ST6GALNAC3: variants seen among roughly 807,000 people sequenced by gnomAD.
ST6GALNAC3 encodes ST6 N-acetylgalactosaminide alpha-2,6-sialyltransferase 3, also known as alpha-N-acetylgalactosaminide alpha-2,6-sialyltransferase 3.
A neutral mutation model predicts 32.7 loss-of-function variants in ST6GALNAC3; 25 were observed. The ratio of observed to expected loss-of-function variants is 0.76; its 90% CI spans 0.56 to 1.07. The LOEUF is 1.07. ST6GALNAC3 is among the 50% of genes least tolerant of loss of function. The probability of loss-of-function intolerance (pLI) is 0.00; values close to 1 mark genes in which losing one functional copy is unlikely to be tolerated. For missense variants in ST6GALNAC3, 355 were observed against 382.4 expected (o/e 0.93, Z 0.60); for synonymous variants, 129 against 133.1 (o/e 0.97, Z 0.21).
rs547206078 is a variant in ST6GALNAC3 at position 76,091,318 on chromosome 1, G to A, written c.18+16434G>A. 6.8e-4 allele frequency among the ~76,000 whole-genome samples: 103 copies of A among 152,348 alleles called. 1 individual carries two copies. Among genetic ancestry groups the A allele is most frequent in the Non-Finnish European group, 1.3e-3 (89 of 68,038 alleles). Reference sequence around the variant, plus strand: ...AGTCAGAGCAGTCCTAAATTTAAATGTAACCTTTTGAGCCCTTAGATCATT... The same window carrying A: ...AGTCAGAGCAGTCCTAAATTTAAATATAACCTTTTGAGCCCTTAGATCATT... On this transcript the variant is annotated intron_variant, in intron 1 of 4. Coordinates refer to ENST00000328299, the MANE Select transcript of ST6GALNAC3 (RefSeq NM_152996.4).
At chr1:76,149,193 G>T (rs1218589340) in intron 1 of ST6GALNAC3, among the ~76,000 whole-genome samples, 2 of 152,122 alleles carry the variant, frequency 1.3e-5, no homozygotes, top group Non-Finnish European at 2.9e-5. Flanking sequence ...ATCTTTTTGT[G>T]CCTGCTGCAT....
chr1:76,231,993 C>T (rs901211306), intron 1 of ST6GALNAC3, among the ~76,000 whole-genome samples: 9 of 152,292 alleles, frequency 5.9e-5, no homozygotes, highest in Non-Finnish European at 1.2e-4. Context: ...AACAAGGCTT[C>T]GAGGTAGTTT....
chr1:76,474,810 A>G (rs770299117), intron 3 of ST6GALNAC3, among the ~76,000 whole-genome samples: 7 of 152,156 alleles, frequency 4.6e-5, no homozygotes, highest in Non-Finnish European at 1.0e-4. Context: ...GTGAAGAGAA[A>G]AAGCCAACTC....
intron 3 of ST6GALNAC3, among the ~76,000 whole-genome samples, chr1:76,467,340 C>T (rs1047384073): frequency 6.6e-6 from 1 of 151,846 alleles, no homozygotes; most frequent in African/African-American, 2.4e-5. Flanking sequence ...GGGGCTCTAT[C>T]CCAAAGAGCC....
intron 3 of ST6GALNAC3, among the ~76,000 whole-genome samples, chr1:76,560,170 T>C (rs1665163720): frequency 1.3e-5 from 2 of 152,116 alleles, no homozygotes; most frequent in South Asian, 4.1e-4. Flanking sequence ...TCTCTCACCA[T>C]ATACAAAAAT....
chr1:76,357,410 T>C (rs1649569462), intron 2 of ST6GALNAC3, among the ~76,000 whole-genome samples: 1 of 151,988 alleles, frequency 6.6e-6, no homozygotes, highest in Non-Finnish European at 1.5e-5. Flanking sequence ...ACCATGCTGG[T>C]TTTCCAACCT....
At chr1:76,481,731 ATTTTAAAGTGTATTG>A (rs1016187663) in intron 3 of ST6GALNAC3, among the ~76,000 whole-genome samples, 1 of 152,190 alleles carries the variant, frequency 6.6e-6, no homozygotes, top group Non-Finnish European at 1.5e-5. Context: ...ATTGGGTAGC[ATTTTAAAGTGTATTG>A]TGTATGTGAC....
At chr1:76,627,361 A>C in intron 3 of ST6GALNAC3, 91 bp from the exon 4 acceptor site, 2 of 814,886 alleles carry the variant, frequency 2.5e-6, no homozygotes, top group South Asian at 3.1e-5. Flanking sequence ...GTTTTTGATG[A>C]AATGTTGCTC....
At chr1:76,561,073 A>T (rs972424150) in intron 3 of ST6GALNAC3, among the ~76,000 whole-genome samples, 2 of 152,198 alleles carry the variant, frequency 1.3e-5, no homozygotes, top group African/African-American at 4.8e-5. Context: ...GGAGGTCATT[A>T]TGCTAAGTAA....
chr1:76,227,029 T>C (rs1320468922), intron 1 of ST6GALNAC3, among the ~76,000 whole-genome samples: 1 of 152,244 alleles, frequency 6.6e-6, no homozygotes, highest in African/African-American at 2.4e-5. Context: ...GTTTTTGTTG[T>C]TGTTGCTGCT....
At chr1:76,305,825 A>C (rs1172766277) in intron 1 of ST6GALNAC3, 1 of 484,560 alleles carries the variant, frequency 2.1e-6, no homozygotes, top group African/African-American at 2.0e-5. Flanking sequence ...CCAGACAAAG[A>C]AATAGAGGCA....
Position 76,196,349 on chromosome 1 carries a change from A to G in ST6GALNAC3, c.19-117456A>G, listed in dbSNP as rs113547657. On this transcript the variant is annotated intron_variant, in intron 1 of 4. Transcript: ENST00000328299. ...TTTATCAGGTTCCTGGGTGATACTG[A>G]TGCTGCTCCTCTGGGTAGCACACTA... Among the ~76,000 whole-genome samples the G allele has an allele frequency of 3.8e-3, 582 of 152,272 alleles. 5 individuals are homozygous for G. The highest frequency in any genetic ancestry group is 0.013 in the African/African-American group (534 of 41,558).
chr1:76,112,133 C>T (rs573961728), intron 1 of ST6GALNAC3, among the ~76,000 whole-genome samples: 1 of 139,752 alleles, frequency 7.2e-6, no homozygotes, highest in African/African-American at 2.7e-5. Context: ...CTCCCACCTC[C>T]CTCCCGGACA....
At position 76,629,287 on chromosome 1, in the gene ST6GALNAC3, A is replaced by T; in HGVS notation, c.*481A>T. The T allele has an allele frequency of 2.0e-6, 2 of 988,292 alleles. No individual in the cohort carries two copies. The highest frequency in any genetic ancestry group is 2.4e-6 in the Non-Finnish European group (2 of 832,132). 61.2% of individuals were successfully genotyped at this position (988,292 alleles called of 1,614,324 possible). A position where few individuals can be genotyped will look rare whatever the true frequency, so the allele number is the denominator to read the frequency against. ...GACCCAAGAACTGCTATCAGGGTGC[A>T]AGTATCTTACTACTTAGCCTAAGGA... On this transcript the variant is annotated 3_prime_UTR_variant, in exon 5 of 5. Transcript: ENST00000328299.
intron 3 of ST6GALNAC3, among the ~76,000 whole-genome samples, chr1:76,439,376 G>A (rs1042455263): frequency 3.9e-5 from 6 of 152,166 alleles, no homozygotes; most frequent in African/African-American, 1.4e-4. Flanking sequence ...AAAATAAAAC[G>A]TGGTGTATAC....
At chr1:76,312,021 C>T (rs1646774157) in intron 1 of ST6GALNAC3, among the ~76,000 whole-genome samples, 1 of 152,126 alleles carries the variant, frequency 6.6e-6, no homozygotes, top group Non-Finnish European at 1.5e-5. Flanking sequence ...TTGCACTTCT[C>T]TAATGAATAG....
At chr1:76,219,588 A>G (rs1655654532) in intron 1 of ST6GALNAC3, among the ~76,000 whole-genome samples, 1 of 152,168 alleles carries the variant, frequency 6.6e-6, no homozygotes, top group Admixed American at 6.5e-5. Flanking sequence ...TAGAACCATC[A>G]CATGGCGATT....
At chr1:76,195,714 C>T (rs538579243) in intron 1 of ST6GALNAC3, among the ~76,000 whole-genome samples, 2 of 152,320 alleles carry the variant, frequency 1.3e-5, no homozygotes, top group East Asian at 3.9e-4. Context: ...CAGTTTTGAC[C>T]TTGTGGTTCC....
intron 2 of ST6GALNAC3, among the ~76,000 whole-genome samples, chr1:76,321,013 G>A (rs941951840): frequency 1.4e-4 from 21 of 151,508 alleles, no homozygotes; most frequent in Non-Finnish European, 2.4e-4. Context: ...AGTCAGGTAG[G>A]TGTATAGTGT....
Sources: allele counts gnomAD v4.1 joint callset (sites outside exome capture counted in the v4.1 genomes callset), GRCh38; gene constraint gnomAD v4.1.1; transcripts MANE v1.5; gene names NCBI Gene and HGNC (gene_info 2026-07-23, HGNC 2026-07-21).